The following SEC23B variants were observed in gnomAD, a reference collection of about 807,000 sequenced individuals.
SEC23B encodes SEC23 homolog B, COPII component, also known as protein transport protein Sec23B.
SEC23B carries 77 observed loss-of-function variants against 104.3 expected under a neutral mutation model. That is an observed-to-expected ratio of 0.74 (90% CI 0.61 to 0.89). The LOEUF (loss-of-function observed/expected upper bound fraction) is 0.89, where lower values mean the gene tolerates loss of function less well. Ranked by LOEUF, SEC23B falls within the 40% of genes least tolerant of loss-of-function variation. SEC23B has a pLI of 0.00. For missense variants in SEC23B, 885 were observed against 949.4 expected, an observed-to-expected ratio of 0.93 and a Z score of 0.89; for synonymous variants, 338 against 332.5, an observed-to-expected ratio of 1.02 and a Z score of -0.18.
intron 16 of SEC23B, among the ~76,000 whole-genome samples, chr20:18,549,358 T>C (rs1462828705): frequency 6.6e-6 from 1 of 152,158 alleles, no homozygotes; most frequent in African/African-American, 2.4e-5. Context: ...TAATACCTAA[T>C]ATAATGTAAG....
chr20:18,547,935 A>G (rs1043398010), intron 15 of SEC23B, among the ~76,000 whole-genome samples: 173 of 151,488 alleles, frequency 1.1e-3, no homozygotes, highest in African/African-American at 3.4e-3. Context: ...AAAATTTTGT[A>G]TTTTTTTAAA....
intron 4 of SEC23B, 144 bp downstream of exon 4, chr20:18,515,880 G>A (rs2060020344): frequency 1.5e-6 from 1 of 677,518 alleles, no homozygotes; most frequent in African/African-American, 1.8e-5. Flanking sequence ...TGATGTGTGT[G>A]CATCTACTGG....
chr20:18,536,774 C>T (rs6112011), intron 12 of SEC23B, among the ~76,000 whole-genome samples: 103,434 of 151,668 alleles, frequency 0.68, 36,641 homozygotes, highest in Non-Finnish European at 0.8. Context: ...GGAACCTGAC[C>T]GATAACAGTT....
intron 19 of SEC23B, among the ~76,000 whole-genome samples, chr20:18,557,881 A>C (rs1390923930): frequency 6.6e-6 from 1 of 151,076 alleles, no homozygotes; most frequent in African/African-American, 2.4e-5. Context: ...CCTCCCGAGT[A>C]GCTGGGATTA....
At chr20:18,508,398 G>C (rs951824286) in intron 1 of SEC23B, 5 of 152,286 alleles carry the variant, frequency 3.3e-5, no homozygotes, top group African/African-American at 1.2e-4. Flanking sequence ...GGGTGGTTCA[G>C]ATTTTTTGGC....
chr20:18,555,108 GC>G lies in SEC23B; in HGVS notation c.2150del (p.Ala717ValfsTer8), dbSNP rs1334741748. On this transcript the variant is annotated frameshift_variant and splice_region_variant, in exon 19 of 20. Coordinates refer to ENST00000650089, the MANE Select transcript of SEC23B (RefSeq NM_006363.6). LOFTEE classifies it high-confidence loss of function. ...CTTTTTGTTGTTGTTGTTGTTAAAG[GC>G]TCGATTCCTTTTGTCCAAAGTGAAC... ...YINTEHGGSQ[A>X]RFLLSKVNPS... 14 of 1,612,944 alleles carry G rather than the reference GC, an allele frequency of 8.7e-6. No individual in the cohort carries two copies. Among genetic ancestry groups the G allele is most frequent in the Non-Finnish European group, 1.2e-5 (14 of 1,179,230 alleles).
At chr20:18,531,881 G>A (rs2060191228) in intron 10 of SEC23B, among the ~76,000 whole-genome samples, 1 of 133,426 alleles carries the variant, frequency 7.5e-6, no homozygotes, top group Non-Finnish European at 1.7e-5. Context: ...AAGACCCTGT[G>A]TCTACAAATG....
chr20:18,516,559 T>G (rs2060029415), intron 4 of SEC23B, among the ~76,000 whole-genome samples: 1 of 150,820 alleles, frequency 6.6e-6, no homozygotes, highest in Non-Finnish European at 1.5e-5. Flanking sequence ...TTCTTTTTTT[T>G]TTTTTCTTCT....
rs754924554 is a variant in SEC23B at position 18,532,644 on chromosome 20, C to T, written c.1234-20C>T. On this transcript the variant is annotated intron_variant, in intron 10 of 19. Coordinates refer to ENST00000650089, the MANE Select transcript of SEC23B (RefSeq NM_006363.6). ...GATTGAAGTGATCTTTAACTTTACA[C>T]TGTCACATATTTGTTATAGACCTCT... is the stretch of plus-strand genomic sequence containing the variant. 1.9e-6 allele frequency: 3 copies of T among 1,571,484 alleles called. No homozygotes were observed. The highest frequency in any genetic ancestry group is 2.6e-6 in the Non-Finnish European group (3 of 1,140,900).
intron 16 of SEC23B, among the ~76,000 whole-genome samples, chr20:18,549,851 A>G (rs6081206): frequency 0.68 from 103,269 of 151,710 alleles, 36,597 homozygotes; most frequent in Non-Finnish European, 0.8. Context: ...AATGGCGCCA[A>G]TAATCCCAGC....
At chr20:18,534,741 T>C (rs1266641177) in intron 11 of SEC23B, among the ~76,000 whole-genome samples, 1 of 152,258 alleles carries the variant, frequency 6.6e-6, no homozygotes, top group East Asian at 1.9e-4. Context: ...GGTCATTTCC[T>C]AATTGTCTTT....
chr20:18,518,615 C>G (rs1055177717), intron 4 of SEC23B, among the ~76,000 whole-genome samples: 10 of 74,486 alleles, frequency 1.3e-4, no homozygotes, highest in Non-Finnish European at 2.3e-4. Context: ...TGTCTAAGAA[C>G]CATCTGCCTT....
Position 18,554,968 on chromosome 20 carries a change from AATTCTAATT to A in SEC23B, c.2149-138_2149-130del. ...GAAATAGATTACTGTGCAGTAAAAC[AATTCTAATT>A]AGATTACTGTGCAGTAAAACAATTC... On this transcript the variant is annotated intron_variant, in intron 18 of 19. Coordinates refer to ENST00000650089, the MANE Select transcript of SEC23B (RefSeq NM_006363.6). 1.0e-3 allele frequency: 72 copies of A among 69,584 alleles called. 24 individuals carry two copies. The highest frequency in any genetic ancestry group is 2.2e-3 in the Non-Finnish European group (50 of 22,922). The allele number at this position is 69,584 out of a possible 1,614,324, so 4.3% of individuals were successfully genotyped here. A position where few individuals can be genotyped will look rare whatever the true frequency, so the allele number is the denominator to read the frequency against.
chr20:18,550,083 T>C (rs1216398646), intron 16 of SEC23B, among the ~76,000 whole-genome samples: 2 of 148,218 alleles, frequency 1.3e-5, no homozygotes, highest in Admixed American at 1.4e-4. Context: ...TAAATATATA[T>C]GTATATGATT....
chr20:18,554,970 TTC>T lies in SEC23B; in HGVS notation c.2149-136_2149-135del. ...AATAGATTACTGTGCAGTAAAACAA[TTC>T]TAATTAGATTACTGTGCAGTAAAAC... On this transcript the variant is annotated intron_variant, in intron 18 of 19. Transcript: ENST00000650089. The T allele has an allele frequency of 1.4e-3, 97 of 70,080 alleles. 39 individuals are homozygous for T. The highest frequency in any genetic ancestry group is 3.3e-3 in the South Asian group (16 of 4,832). The allele number at this position is 70,080 out of a possible 1,614,324, so 4.3% of individuals were successfully genotyped here.
At chr20:18,509,010 C>T (rs1211085648) in intron 1 of SEC23B, among the ~76,000 whole-genome samples, 8 of 152,150 alleles carry the variant, frequency 5.3e-5, no homozygotes, top group Admixed American at 5.2e-4. Context: ...CGTGAGCCAC[C>T]GCGCCCGGCC....
chr20:18,524,252 T>C (rs1234838965), intron 4 of SEC23B, among the ~76,000 whole-genome samples, 181 bp from the exon 5 acceptor site: 2 of 152,268 alleles, frequency 1.3e-5, no homozygotes. Flanking sequence ...ATAGTTTTTA[T>C]CTTTAGTTTG....
intron 18 of SEC23B, among the ~76,000 whole-genome samples, chr20:18,554,727 T>G (rs2060419797): frequency 6.7e-6 from 1 of 150,218 alleles, no homozygotes; most frequent in South Asian, 2.1e-4. Flanking sequence ...TTCGGGAGGC[T>G]GAGGCAGAAG....
At chr20:18,557,500 A>G (rs988975038) in intron 19 of SEC23B, among the ~76,000 whole-genome samples, 10 of 152,128 alleles carry the variant, frequency 6.6e-5, no homozygotes, top group African/African-American at 2.2e-4. Flanking sequence ...GTTCAAGCGA[A>G]GTCTAGAGAC....
Sources: gnomAD v4.1 joint callset for allele counts (sites outside exome capture counted in the v4.1 genomes callset) on GRCh38, gnomAD v4.1.1 for gene constraint, MANE v1.5 for transcripts, NCBI Gene and HGNC (gene_info 2026-07-23, HGNC 2026-07-21) for gene names.